Variants in SAMD12 observed in about 807,000 individuals in gnomAD.
SAMD12 encodes sterile alpha motif domain-containing protein 12.
A neutral mutation model predicts 15.0 loss-of-function variants in SAMD12; 9 were observed. The observed-to-expected ratio is 0.60, with a 90% CI of 0.36 to 1.05. The LOEUF (loss-of-function observed/expected upper bound fraction) is 1.05. Ranked by LOEUF, SAMD12 falls within the 50% of genes least tolerant of loss-of-function variation. SAMD12 has a pLI of 0.01. For synonymous variants in SAMD12, 86 were observed against 90.1 expected, an observed-to-expected ratio of 0.96 and a Z score of 0.25; for missense variants, 230 against 234.2, an observed-to-expected ratio of 0.98 and a Z score of 0.12.
intron 4 of SAMD12, among the ~76,000 whole-genome samples, chr8:118,205,968 G>A (rs953989915): frequency 2.0e-5 from 3 of 152,158 alleles, no homozygotes; most frequent in African/African-American, 7.2e-5. Flanking sequence ...TAAAAGTAAG[G>A]CCACTAGTCT....
At chr8:118,424,644 C>T (rs184938704) in intron 3 of SAMD12, among the ~76,000 whole-genome samples, 2 of 152,216 alleles carry the variant, frequency 1.3e-5, no homozygotes, top group East Asian at 3.9e-4. Flanking sequence ...GGGGATCAAA[C>T]GTAGTGTCCT....
chr8:118,176,955 A>G, the SAMD12 span, among the ~76,000 whole-genome samples: 5 of 152,186 alleles, frequency 3.3e-5, no homozygotes, highest in African/African-American at 1.2e-4. Flanking sequence ...GTGATGAAAA[A>G]GTTTCTCTAC....
At chr8:118,164,747 G>T in the SAMD12 span, among the ~76,000 whole-genome samples, 3 of 151,396 alleles carry the variant, frequency 2.0e-5, no homozygotes, top group East Asian at 3.9e-4. Context: ...CTATAATAGA[G>T]AAATAAATAA....
At chr8:118,272,226 A>G (rs1021581974) in intron 4 of SAMD12, among the ~76,000 whole-genome samples, 2 of 152,212 alleles carry the variant, frequency 1.3e-5, no homozygotes, top group African/African-American at 4.8e-5. Flanking sequence ...ACCGCATAGA[A>G]GCTGCCAAGG....
chr8:118,544,654 AG>A (rs1051315502), intron 2 of SAMD12, among the ~76,000 whole-genome samples: 3 of 152,192 alleles, frequency 2.0e-5, no homozygotes, highest in Non-Finnish European at 4.4e-5. Flanking sequence ...GCCAAGATTC[AG>A]AGACAGCCAA....
rs750586089 is a variant in SAMD12, at chr8:118,580,829, C to T, written c.78G>A (p.Leu26=). 1 of 1,613,040 alleles carries T rather than the reference C, an allele frequency of 6.2e-7. No individual in the cohort carries two copies. Among genetic ancestry groups the T allele is most frequent in the Non-Finnish European group, 8.5e-7 (1 of 1,179,272 alleles). The change falls in exon 2 of 4, where the codon CTG becomes CTA. Residue 26 remains leucine, a synonymous_variant. Coordinates refer to ENST00000314727, the MANE Select transcript of SAMD12 (RefSeq NM_207506.3). ...DHPAHAEGIK[L]QIEGEGVESQ... ...ATTCCACACCTTCACCTTCAATTTG[C>T]AGTTTAATACCTTCAGCATGGGCAG...
intron 4 of SAMD12, among the ~76,000 whole-genome samples, chr8:118,212,566 A>C (rs945613639): frequency 1.3e-5 from 2 of 152,240 alleles, no homozygotes; most frequent in African/African-American, 4.8e-5. Context: ...TATTTGAGGT[A>C]GTGCAAAGCT....
intron 3 of SAMD12, among the ~76,000 whole-genome samples, chr8:118,385,792 A>C (rs535376878): frequency 6.6e-6 from 1 of 152,276 alleles, no homozygotes; most frequent in African/African-American, 2.4e-5. Flanking sequence ...CTTTACCACA[A>C]ATTGATGCTC....
intron 2 of SAMD12, among the ~76,000 whole-genome samples, chr8:118,443,309 C>T (rs1822810997): frequency 6.6e-6 from 1 of 152,042 alleles, no homozygotes; most frequent in South Asian, 2.1e-4. Flanking sequence ...ACTAAAAATA[C>T]AAAAATTAGC....
At chr8:118,191,606 T>C (rs928530843) in exon 5 of SAMD12, 5 of 151,012 alleles carry the variant, frequency 3.3e-5, no homozygotes, top group Non-Finnish European at 7.4e-5. Flanking sequence ...GCAGCTGGTA[T>C]GTGGGAAAAC....
intron 2 of SAMD12, among the ~76,000 whole-genome samples, chr8:118,482,939 C>T (rs572316184): frequency 9.2e-5 from 14 of 152,102 alleles, no homozygotes; most frequent in East Asian, 1.9e-4. Flanking sequence ...AGGGAAGCCA[C>T]GAGGAAGAGA....
intron 2 of SAMD12, among the ~76,000 whole-genome samples, chr8:118,471,977 A>G (rs1043629938): frequency 8.5e-5 from 13 of 152,150 alleles, no homozygotes; most frequent in Non-Finnish European, 5.9e-5. Flanking sequence ...TACTGCTTCA[A>G]TTTCCTCATC....
chr8:118,310,929 A>G (rs760766227), intron 4 of SAMD12, among the ~76,000 whole-genome samples: 9 of 152,142 alleles, frequency 5.9e-5, no homozygotes, highest in Non-Finnish European at 8.8e-5. Flanking sequence ...TATCCTCTGT[A>G]TCTTGAATGG....
At chr8:118,255,228 T>TA (rs1203989552) in intron 4 of SAMD12, among the ~76,000 whole-genome samples, 2 of 152,118 alleles carry the variant, frequency 1.3e-5, no homozygotes, top group African/African-American at 4.8e-5. Context: ...TTATGTTTTC[T>TA]AAAAAAACCA....
intron 3 of SAMD12, among the ~76,000 whole-genome samples, chr8:118,410,579 A>G (rs1336827977): frequency 6.6e-6 from 1 of 152,202 alleles, no homozygotes; most frequent in Non-Finnish European, 1.5e-5. Context: ...TACCCACTAC[A>G]GAAGAAGCTC....
At chr8:118,304,164 C>A (rs60224208) in intron 4 of SAMD12, among the ~76,000 whole-genome samples, 9,100 of 152,202 alleles carry the variant, frequency 0.06, 811 homozygotes, top group African/African-American at 0.19. Flanking sequence ...AGAGGACACT[C>A]GATTCTTCCT....
At chr8:118,135,715 T>C in the SAMD12 span, among the ~76,000 whole-genome samples, 2 of 152,058 alleles carry the variant, frequency 1.3e-5, no homozygotes, top group Non-Finnish European at 2.9e-5. Context: ...GCTAATTTTT[T>C]AACTTTTTGT....
At chr8:118,530,537 G>C (rs988104429) in intron 2 of SAMD12, among the ~76,000 whole-genome samples, 1 of 152,030 alleles carries the variant, frequency 6.6e-6, no homozygotes, top group South Asian at 2.1e-4. Flanking sequence ...AGGGTTATTT[G>C]GGTTTTTTTG....
chr8:118,595,820 T>C (rs1827709100), intron 1 of SAMD12, among the ~76,000 whole-genome samples: 1 of 152,244 alleles, frequency 6.6e-6, no homozygotes, highest in Non-Finnish European at 1.5e-5. Flanking sequence ...CACAGTAAGA[T>C]TGTCAGAAGT....
Sources: allele counts gnomAD v4.1 joint callset (sites outside exome capture counted in the v4.1 genomes callset), GRCh38; gene constraint gnomAD v4.1.1; transcripts MANE v1.5; gene names NCBI Gene and HGNC (gene_info 2026-07-23, HGNC 2026-07-21).